Variants in AGAP1 observed in about 807,000 individuals in gnomAD.
AGAP1 encodes the protein arf-GAP with GTPase, ANK repeat and PH domain-containing protein 1.
AGAP1 carries 29 observed loss-of-function variants against 105.3 expected under a neutral mutation model. The observed-to-expected ratio is 0.28, with a 90% CI of 0.21 to 0.38. The LOEUF is 0.38. Among genes scored for constraint, AGAP1 ranks in the 10% least tolerant of loss-of-function variants. The pLI is 1.00. For synonymous variants in AGAP1, 509 were observed against 485.9 expected (o/e 1.05, Z -0.63); for missense variants, 998 against 1,165.1 (o/e 0.86, Z 2.09).
At position 235,793,741 on chromosome 2, in the gene AGAP1, T is replaced by C. The variant is rs61490617; in HGVS notation, c.674-4018T>C. ...GGAGGCTCCTAGTGTGACCAAGGGC[T>C]ATTCCTTGCCTCATTTTGTGTGATT... On this transcript the variant is annotated intron_variant, in intron 6 of 17. Transcript: ENST00000304032. The surrounding 1 kb of genome is among the most constrained non-coding windows in gnomAD (Gnocchi z 5.3). Among the ~76,000 whole-genome samples, 6,214 of 152,220 alleles carry C rather than the reference T, an allele frequency of 0.041. 421 individuals carry two copies. The highest frequency in any genetic ancestry group is 0.14 in the African/African-American group (5,778 of 41,506).
intron 16 of AGAP1, among the ~76,000 whole-genome samples, chr2:236,107,298 G>C (rs574482884): frequency 6.6e-6 from 1 of 152,276 alleles, no homozygotes; most frequent in South Asian, 2.1e-4. Flanking sequence ...GGTGCTTCCT[G>C]AGTGCTTGGC....
At chr2:235,916,724 T>G (rs901898930) in intron 11 of AGAP1, among the ~76,000 whole-genome samples, 3 of 152,200 alleles carry the variant, frequency 2.0e-5, no homozygotes, top group Non-Finnish European at 4.4e-5. Flanking sequence ...CTTCACAGAA[T>G]TACATCATTA....
chr2:235,494,910 T>TGTGCGCTGTGTGC, intron 1 of AGAP1, 61 bp downstream of exon 1: 1 of 1,460,406 alleles, frequency 6.8e-7, no homozygotes, highest in South Asian at 1.3e-5. Context: ...GCGGCGGGGG[T>TGTGCGCTGTGTGC]GTGCGCTGTG....
At chr2:235,790,459 C>T (rs895944653) in intron 6 of AGAP1, among the ~76,000 whole-genome samples, 3 of 152,222 alleles carry the variant, frequency 2.0e-5, no homozygotes, top group Admixed American at 6.5e-5. Flanking sequence ...CCAGCCCCTC[C>T]GCTCCCCACA....
intron 13 of AGAP1, among the ~76,000 whole-genome samples, chr2:236,029,932 T>C (rs2057174889): frequency 6.6e-6 from 1 of 151,924 alleles, no homozygotes; most frequent in Admixed American, 6.6e-5. Context: ...AGAGATGAGG[T>C]CTCACTGTGT....
Position 235,739,761 on chromosome 2 carries a change from C to T in AGAP1, c.311-1202C>T, listed in dbSNP as rs1952465632. On this transcript the variant is annotated intron_variant, in intron 3 of 17. Transcript: ENST00000304032. The surrounding 1 kb of genome is among the most constrained non-coding windows in gnomAD (Gnocchi z 5.3). Reference sequence around the variant, plus strand: ...GGGTAGCTGCCCGTCTGGAGGGCCTCGGACACTTTCAGGCTGGGATGGGGA... The same window carrying T: ...GGGTAGCTGCCCGTCTGGAGGGCCTTGGACACTTTCAGGCTGGGATGGGGA... Among the ~76,000 whole-genome samples, 2 of 152,162 alleles carry T rather than the reference C, an allele frequency of 1.3e-5. No individual in the cohort carries two copies. The highest frequency in any genetic ancestry group is 4.8e-5 in the African/African-American group (2 of 41,448).
At chr2:236,085,379 G>A (rs2058903096) in intron 16 of AGAP1, among the ~76,000 whole-genome samples, 1 of 152,184 alleles carries the variant, frequency 6.6e-6, no homozygotes, top group Admixed American at 6.5e-5. Flanking sequence ...GCTCTCCCCA[G>A]CCGCCTGGAG....
At chr2:235,543,420 C>T (rs1301010312) in intron 1 of AGAP1, among the ~76,000 whole-genome samples, 2 of 152,158 alleles carry the variant, frequency 1.3e-5, no homozygotes, top group Non-Finnish European at 2.9e-5. Flanking sequence ...GCTGTGTCCC[C>T]GTGTACGGGG....
chr2:235,933,130 A>G (rs1373835312), intron 12 of AGAP1, among the ~76,000 whole-genome samples: 2 of 152,314 alleles, frequency 1.3e-5, no homozygotes, highest in South Asian at 2.1e-4. Flanking sequence ...GAAATTGTGC[A>G]GGTCGTTTAA....
Position 236,051,699 on chromosome 2 carries a change from TG to T in AGAP1, c.2114+2423del, listed in dbSNP as rs1468621525. Reference sequence around the variant, plus strand: ...AGGGCTGGCACCTTAAAAGCGACCCTGGGGGCAGGGGAGAGGGGAAGGGTTT... The same window carrying T: ...AGGGCTGGCACCTTAAAAGCGACCCTGGGGCAGGGGAGAGGGGAAGGGTTT... On this transcript the variant is annotated intron_variant, in intron 16 of 17. Transcript: ENST00000304032. This position sits in a 1 kb window ranked among gnomAD's most constrained non-coding sequence, Gnocchi z 5.9. 4.6e-5 allele frequency among the ~76,000 whole-genome samples: 7 copies of T among 152,216 alleles called. No individual in the cohort carries two copies. The highest frequency in any genetic ancestry group is 2.9e-5 in the Non-Finnish European group (2 of 68,002).
chr2:236,070,311 A>G (rs1420101860), intron 16 of AGAP1, among the ~76,000 whole-genome samples: 1 of 152,234 alleles, frequency 6.6e-6, no homozygotes, highest in African/African-American at 2.4e-5. Flanking sequence ...AATGAGAAAG[A>G]GCAGCATTGA....
intron 9 of AGAP1, among the ~76,000 whole-genome samples, chr2:235,810,034 G>C (rs1245269097): frequency 1.3e-5 from 2 of 152,134 alleles, no homozygotes; most frequent in Non-Finnish European, 2.9e-5. Context: ...AGGCCTCTCT[G>C]CCCCTATGTC....
At chr2:235,968,730 A>C in intron 13 of AGAP1, 107 bp downstream of exon 13, 1 of 1,159,896 alleles carries the variant, frequency 8.6e-7, no homozygotes. Flanking sequence ...ATGCACAGTA[A>C]TGCTGGTCAC....
rs1299521607 is a variant in AGAP1, at chr2:235,664,871, G to A, written c.164-44308G>A. Among the ~76,000 whole-genome samples the A allele has an allele frequency of 6.6e-6, 1 of 152,102 alleles. No individual in the cohort carries two copies. The highest frequency in any genetic ancestry group is 1.5e-5 in the Non-Finnish European group (1 of 68,034). ...CCTCAACCCTTAGCCAGGTGCAGGC[G>A]TAACAAGGGAGACCCACCTGTGCAA... On this transcript the variant is annotated intron_variant, in intron 1 of 17. Coordinates refer to ENST00000304032, the MANE Select transcript of AGAP1 (RefSeq NM_001037131.3). The surrounding 1 kb of genome is among the most constrained non-coding windows in gnomAD (Gnocchi z 5.7).
Position 235,927,030 on chromosome 2 carries a change from G to A in AGAP1, c.1325-3735G>A, listed in dbSNP as rs1007542274. Among the ~76,000 whole-genome samples, 3 of 152,198 alleles carry A rather than the reference G, an allele frequency of 2.0e-5. No individual in the cohort carries two copies. The highest frequency in any genetic ancestry group is 2.9e-5 in the Non-Finnish European group (2 of 68,044). Reference sequence around the variant, plus strand: ...ATGTCTCTATGAGCTCAGCCTGGACGTCAGGCGATAGTCTGTGGATCTGAT... The same window carrying A: ...ATGTCTCTATGAGCTCAGCCTGGACATCAGGCGATAGTCTGTGGATCTGAT... On this transcript the variant is annotated intron_variant, in intron 11 of 17. Coordinates refer to ENST00000304032, the MANE Select transcript of AGAP1 (RefSeq NM_001037131.3). This position sits in a 1 kb window ranked among gnomAD's most constrained non-coding sequence, Gnocchi z 4.4.
chr2:235,918,649 C>T (rs994089007), intron 11 of AGAP1, among the ~76,000 whole-genome samples: 3 of 152,144 alleles, frequency 2.0e-5, no homozygotes, highest in African/African-American at 7.2e-5. Flanking sequence ...TCTTTGTTAT[C>T]CTCTCTTAGT....
At chr2:235,745,570 T>C (rs1386749067) in intron 5 of AGAP1, among the ~76,000 whole-genome samples, 2 of 152,256 alleles carry the variant, frequency 1.3e-5, no homozygotes, top group African/African-American at 2.4e-5. Flanking sequence ...GTCAGAAATA[T>C]GGGTAACATA....
rs1010249099 is a variant in AGAP1 at position 235,887,435 on chromosome 2, T to C, written c.1155+3986T>C. Among the ~76,000 whole-genome samples the C allele has an allele frequency of 4.6e-5, 7 of 152,236 alleles. No individual in the cohort carries two copies. The highest frequency in any genetic ancestry group is 1.9e-4 in the East Asian group (1 of 5,204). ...GATTCAGGCCCATGTCCAGCCTCTG[T>C]AGACCTATATCAAGTCATTAAAAGT... On this transcript the variant is annotated intron_variant, in intron 10 of 17. Transcript: ENST00000304032. The surrounding 1 kb of genome is among the most constrained non-coding windows in gnomAD (Gnocchi z 4.1).
chr2:236,124,145 C>T lies in AGAP1; in HGVS notation c.*23C>T, dbSNP rs1302864272. ...TGAGGAACAGCCGTGCCCGCCTGCT[C>T]GCCGCACCTGGGACGCGGCAGCCTC... is the stretch of plus-strand genomic sequence containing the variant. On this transcript the variant is annotated 3_prime_UTR_variant, in exon 18 of 18. Coordinates refer to ENST00000304032, the MANE Select transcript of AGAP1 (RefSeq NM_001037131.3). The surrounding 1 kb of genome is among the most constrained non-coding windows in gnomAD (Gnocchi z 5.1). 1.4e-5 allele frequency: 23 copies of T among 1,609,410 alleles called. No individual in the cohort carries two copies. Among genetic ancestry groups the T allele is most frequent in the South Asian group, 2.2e-5 (2 of 90,944 alleles).
Sources: allele counts gnomAD v4.1 joint callset (sites outside exome capture counted in the v4.1 genomes callset), GRCh38; gene constraint gnomAD v4.1.1; non-coding constraint Gnocchi (gnomAD v3.1); transcripts MANE v1.5; gene names NCBI Gene and HGNC (gene_info 2026-07-23, HGNC 2026-07-21).